Variants in ANO3 observed in about 807,000 individuals in gnomAD.
The protein encoded by ANO3 is anoctamin-3.
Under a neutral mutation model 144.8 loss-of-function variants are expected in ANO3, and 99 were observed. The observed-to-expected ratio is 0.68, with a 90% confidence interval of 0.58 to 0.81. The LOEUF is 0.81. Among genes scored for constraint, ANO3 ranks in the 30% least tolerant of loss-of-function variants. The pLI is 0.00. For missense variants in ANO3, 905 were observed against 1,202.2 expected (o/e 0.75, Z 3.66); for synonymous variants, 414 against 392.6 (o/e 1.05, Z -0.64).
intron 1 of ANO3, among the ~76,000 whole-genome samples, chr11:26,287,162 A>T (rs117758521): frequency 0.026 from 3,929 of 152,300 alleles, 82 homozygotes; most frequent in Non-Finnish European, 0.036. Context: ...ATTCTGTTAG[A>T]CTAGACTATC....
At chr11:26,577,188 G>A (rs2132846914) in intron 14 of ANO3, among the ~76,000 whole-genome samples, 1 of 152,248 alleles carries the variant, frequency 6.6e-6, no homozygotes, top group Non-Finnish European at 1.5e-5. Context: ...ATAGATAAGT[G>A]GGTAGATATG....
At chr11:26,535,063 C>G (rs2134191729) in intron 9 of ANO3, among the ~76,000 whole-genome samples, 1 of 152,256 alleles carries the variant, frequency 6.6e-6, no homozygotes, top group Middle Eastern at 3.4e-3. Flanking sequence ...GCCCTATACT[C>G]AGGGAGATTG....
chr11:26,406,420 C>T (rs1369607216), intron 1 of ANO3, among the ~76,000 whole-genome samples: 2 of 151,856 alleles, frequency 1.3e-5, no homozygotes, highest in Non-Finnish European at 2.9e-5. Flanking sequence ...CAAACCATAG[C>T]AACCACTGAA....
intron 1 of ANO3, among the ~76,000 whole-genome samples, chr11:26,391,521 G>A (rs1856878372): frequency 2.0e-5 from 3 of 152,064 alleles, no homozygotes; most frequent in Non-Finnish European, 2.9e-5. Context: ...GGAAGGGGTA[G>A]GGCATATTTT....
intron 1 of ANO3, among the ~76,000 whole-genome samples, chr11:26,399,833 CTTTG>C (rs752327865): frequency 2.0e-5 from 3 of 151,886 alleles, no homozygotes; most frequent in African/African-American, 4.8e-5. Context: ...TCTCCCTGCC[CTTTG>C]TTTGTTTGTT....
intron 4 of ANO3, among the ~76,000 whole-genome samples, chr11:26,504,671 A>C (rs571872682): frequency 2.0e-5 from 3 of 152,334 alleles, no homozygotes; most frequent in Admixed American, 6.5e-5. Flanking sequence ...CTCATCTATA[A>C]TGTCGAGAAT....
intron 2 of ANO3, among the ~76,000 whole-genome samples, chr11:26,443,495 A>G (rs982024082): frequency 6.6e-6 from 1 of 152,148 alleles, no homozygotes; most frequent in Non-Finnish European, 1.5e-5. Flanking sequence ...CCAGCAACTC[A>G]GGAGGCTGAG....
chr11:26,659,780 A>G (rs1184027315), intron 26 of ANO3, among the ~76,000 whole-genome samples: 3 of 152,200 alleles, frequency 2.0e-5, no homozygotes, highest in Non-Finnish European at 2.9e-5. Flanking sequence ...TAAAGCAGCT[A>G]TGATGATATA....
rs140683421 is a variant in ANO3 at position 26,195,555 on chromosome 11, T to C, written c.154+6225T>C. On this transcript the variant is annotated intron_variant, in intron 1 of 27. Transcript: ENST00000672621. Reference sequence around the variant, plus strand: ...GAGAGTAACAATAACAATCATGCATTATCTAGACCAAAGTGACTAAGTTGT... The same window carrying C: ...GAGAGTAACAATAACAATCATGCATCATCTAGACCAAAGTGACTAAGTTGT... 1.2e-3 allele frequency among the ~76,000 whole-genome samples: 179 copies of C among 152,278 alleles called. 1 individual carries two copies. The highest frequency in any genetic ancestry group is 4.0e-3 in the African/African-American group (167 of 41,564).
intron 1 of ANO3, among the ~76,000 whole-genome samples, chr11:26,369,806 C>T (rs1381193484): frequency 6.6e-6 from 1 of 152,100 alleles, no homozygotes; most frequent in Admixed American, 6.5e-5. Flanking sequence ...AAATTGGAAT[C>T]TTCCCAGTTT....
chr11:26,649,313 A>T (rs889369428), intron 24 of ANO3, among the ~76,000 whole-genome samples: 13 of 152,192 alleles, frequency 8.5e-5, no homozygotes, highest in African/African-American at 2.9e-4. Context: ...TCTGTTCTTA[A>T]TTATTTCTGC....
Position 26,542,200 on chromosome 11 carries a change from G to C in ANO3, c.1154+132G>C. ...AAAGCAACCACTATAAGATTTTTCA[G>C]TAAAAGAATCTCACTGTAGGTAATT... On this transcript the variant is annotated intron_variant, in intron 11 of 26. Transcript: ENST00000256737. 3 of 980,140 alleles carry C rather than the reference G, an allele frequency of 3.1e-6. 1 individual carries two copies. Among genetic ancestry groups the C allele is most frequent in the Non-Finnish European group, 4.2e-6 (3 of 716,794 alleles). 60.7% of individuals were successfully genotyped at this position (980,140 alleles called of 1,614,324 possible). A position where few individuals can be genotyped will look rare whatever the true frequency, so the allele number is the denominator to read the frequency against.
chr11:26,199,008 A>G (rs1013443687), intron 1 of ANO3, among the ~76,000 whole-genome samples: 5 of 152,168 alleles, frequency 3.3e-5, no homozygotes, highest in African/African-American at 1.2e-4. Context: ...AGGTTAAGTC[A>G]AATGTGGATA....
intron 4 of ANO3, among the ~76,000 whole-genome samples, chr11:26,482,782 A>G (rs1055668577): frequency 3.9e-5 from 6 of 152,020 alleles, no homozygotes; most frequent in African/African-American, 9.7e-5. Flanking sequence ...AGTCTCCAAT[A>G]TTATTTCACA....
chr11:26,289,271 C>G (rs1394104524), intron 1 of ANO3, among the ~76,000 whole-genome samples: 1 of 151,794 alleles, frequency 6.6e-6, no homozygotes, highest in Non-Finnish European at 1.5e-5. Context: ...GACATTTGCT[C>G]TGTTTTATTA....
At chr11:26,599,092 C>A in intron 16 of ANO3, 94 bp downstream of exon 16, 1 of 1,313,476 alleles carries the variant, frequency 7.6e-7, no homozygotes, top group South Asian at 1.3e-5. Flanking sequence ...TTGAGAATGT[C>A]AGAAACCTTA....
At chr11:26,452,131 G>GA (rs1448198549) in intron 3 of ANO3, among the ~76,000 whole-genome samples, 2 of 152,076 alleles carry the variant, frequency 1.3e-5, no homozygotes, top group East Asian at 1.9e-4. Context: ...CAAAGATGGG[G>GA]AAAAAACAGA....
intron 1 of ANO3, among the ~76,000 whole-genome samples, chr11:26,343,565 A>C (rs1307280532): frequency 2.6e-5 from 4 of 152,140 alleles, no homozygotes; most frequent in African/African-American, 9.7e-5. Flanking sequence ...TCCGTGGTAC[A>C]CTTGCAGCTG....
At chr11:26,250,413 C>T (rs1214609604) in intron 1 of ANO3, among the ~76,000 whole-genome samples, 1 of 152,160 alleles carries the variant, frequency 6.6e-6, no homozygotes, top group Admixed American at 6.6e-5. Flanking sequence ...TCTCTGGCAT[C>T]CATATCTATT....
Sources: gnomAD v4.1 joint callset for allele counts (sites outside exome capture counted in the v4.1 genomes callset) on GRCh38, gnomAD v4.1.1 for gene constraint, MANE v1.5 for transcripts, NCBI Gene and HGNC (gene_info 2026-07-23, HGNC 2026-07-21) for gene names.